ARL17B: variants seen among roughly 807,000 people sequenced by gnomAD.
ARL17B encodes ADP-ribosylation factor-like protein 17.
At chr17:46,276,782 CTTT>C (rs1179503164) in intron 4 of ARL17B, among the ~76,000 whole-genome samples, 1 of 145,700 alleles carries the variant, frequency 6.9e-6, no homozygotes, top group Non-Finnish European at 1.5e-5. Context: ...TAATTTTTTT[CTTT>C]TTTTCTTTTT....
intron 4 of ARL17B, among the ~76,000 whole-genome samples, chr17:46,286,607 T>C (rs1490044749): frequency 6.6e-6 from 1 of 151,916 alleles, no homozygotes; most frequent in African/African-American, 2.4e-5. Flanking sequence ...AAACATTCAC[T>C]ATGAAGCAAG....
intron 4 of ARL17B, among the ~76,000 whole-genome samples, chr17:46,288,642 G>T (rs191475421): frequency 6.6e-6 from 1 of 151,804 alleles, no homozygotes; most frequent in African/African-American, 2.4e-5. Flanking sequence ...CAGTGAGGAC[G>T]ACCAGAGGTC....
At chr17:46,307,783 T>TC (rs2050617629) in intron 3 of ARL17B, among the ~76,000 whole-genome samples, 1 of 78,742 alleles carries the variant, frequency 1.3e-5, no homozygotes, top group African/African-American at 3.2e-5. Flanking sequence ...TTTGCTGAGG[T>TC]GGGTGGATCA....
At chr17:46,279,638 T>C (rs1251057463) in intron 4 of ARL17B, among the ~76,000 whole-genome samples, 1 of 151,678 alleles carries the variant, frequency 6.6e-6, no homozygotes, top group Non-Finnish European at 1.5e-5. Flanking sequence ...GCTGGGATCA[T>C]GGGTGCACAT....
At chr17:46,314,481 CAG>C (rs2050962093) in intron 3 of ARL17B, among the ~76,000 whole-genome samples, 1 of 81,660 alleles carries the variant, frequency 1.2e-5, no homozygotes, top group Non-Finnish European at 3.6e-5. Flanking sequence ...GCCTGGGCAA[CAG>C]AGTGAGACTC....
At position 46,335,025 on chromosome 17, in the gene ARL17B, TGTC is replaced by T. The variant is rs1431176383; in HGVS notation, c.*4472_*4474del. 5.3e-5 allele frequency among the ~76,000 whole-genome samples: 2 copies of T among 37,410 alleles called. No individual in the cohort carries two copies. The highest frequency in any genetic ancestry group is 8.1e-4 in the Non-Finnish European group (2 of 2,466). 24.5% of individuals were successfully genotyped at this position (37,410 alleles called of 152,430 possible). On this transcript the variant is annotated 3_prime_UTR_variant, in exon 4 of 4. Transcript: ENST00000450673. ...CAACCTGGGCAGCATAGTGAGACCT[TGTC>T]TTTATTAAAAATTAAAAAAAAAATA...
Position 46,280,734 on chromosome 17 carries a change from C to T in ARL17B, c.*22-5316G>A, listed in dbSNP as rs568788527. 5.3e-5 allele frequency among the ~76,000 whole-genome samples: 8 copies of T among 152,198 alleles called. No individual in the cohort carries two copies. In the South Asian group the frequency reaches 6.2e-4, roughly 12 times the overall value. ...GACTACAGGCATGCGCCACTATGCC[C>T]GCCTAAGTATTGTATTTTTAGTAGG... On this transcript the variant is annotated intron_variant, in intron 4 of 4. Transcript: ENST00000570618.
chr17:46,281,392 C>T (rs1012738625), intron 4 of ARL17B, among the ~76,000 whole-genome samples: 28 of 151,864 alleles, frequency 1.8e-4, no homozygotes, highest in African/African-American at 6.8e-4. Context: ...TTCTTTTATT[C>T]TTGTCTTTTT....
At chr17:46,284,066 G>A (rs1159784699) in intron 4 of ARL17B, among the ~76,000 whole-genome samples, 1 of 152,170 alleles carries the variant, frequency 6.6e-6, no homozygotes, top group Non-Finnish European at 1.5e-5. Context: ...ACATTCCATT[G>A]CCCAGGGACG....
chr17:46,280,093 C>G (rs1197390218), intron 4 of ARL17B, among the ~76,000 whole-genome samples: 2 of 152,230 alleles, frequency 1.3e-5, no homozygotes. Flanking sequence ...AAATGTCTGG[C>G]CAGGCGCGGT....
chr17:46,285,938 C>T (rs1231266706), intron 4 of ARL17B, among the ~76,000 whole-genome samples: 1 of 152,260 alleles, frequency 6.6e-6, no homozygotes, highest in East Asian at 1.9e-4. Context: ...CCTCATCATC[C>T]TTCTCTGTTA....
intron 4 of ARL17B, among the ~76,000 whole-genome samples, chr17:46,277,755 T>C (rs2039337018): frequency 6.6e-6 from 1 of 152,098 alleles, no homozygotes; most frequent in South Asian, 2.1e-4. Flanking sequence ...CAAATGATTT[T>C]CCTGCCTCAG....
chr17:46,277,430 T>C (rs2732700), intron 4 of ARL17B, among the ~76,000 whole-genome samples: 7,133 of 151,548 alleles, frequency 0.047, 1,004 homozygotes, highest in East Asian at 0.47. Flanking sequence ...TACCTCACAG[T>C]TACCACCAAA....
intron 2 of ARL17B, among the ~76,000 whole-genome samples, chr17:46,357,128 G>A (rs1409082984): frequency 1.1e-5 from 1 of 87,134 alleles, no homozygotes; most frequent in African/African-American, 5.0e-5. Flanking sequence ...AGCCGAGATC[G>A]CGCCACTGTA....
chr17:46,321,348 T>C (rs1598152704), intron 3 of ARL17B, among the ~76,000 whole-genome samples: 1 of 73,290 alleles, frequency 1.4e-5, no homozygotes, highest in African/African-American at 8.4e-5. Context: ...AGAGTGAGAC[T>C]CCGTCTCAGA....
Position 46,340,110 on chromosome 17 carries a change from G to A in ARL17B, c.260-336C>T, listed in dbSNP as rs1294637199. ...GTTTTCACTGGAATGAAAGCTGAGC[G>A]GTCTGCAGGCCATATAGTATTGGAG... On this transcript the variant is annotated intron_variant, in intron 3 of 3. Coordinates refer to ENST00000450673, the MANE Select transcript of ARL17B (RefSeq NM_001039083.5). 2.0e-4 allele frequency among the ~76,000 whole-genome samples: 20 copies of A among 100,276 alleles called. 4 individuals carry two copies. The highest frequency in any genetic ancestry group is 4.0e-4 in the Admixed American group (4 of 10,088). 65.8% of individuals were successfully genotyped at this position (100,276 alleles called of 152,430 possible).
chr17:46,324,751 G>A lies in ARL17B; in HGVS notation c.260-25086C>T, dbSNP rs1364519666. Among the ~76,000 whole-genome samples, 11 of 74,144 alleles carry A rather than the reference G, an allele frequency of 1.5e-4. 4 individuals carry two copies. In the East Asian group the frequency reaches 2.8e-3, roughly 19 times the overall value. The allele number at this position is 74,144 out of a possible 152,430, so 48.6% of individuals were successfully genotyped here. A position where few individuals can be genotyped will look rare whatever the true frequency, so the allele number is the denominator to read the frequency against. Reference sequence around the variant, plus strand: ...GCTACTAGGGAACCTGAGTCAGGAGGATCACTTGAACCCAGGAAGTGGAGG... The same window carrying A: ...GCTACTAGGGAACCTGAGTCAGGAGAATCACTTGAACCCAGGAAGTGGAGG... On this transcript the variant is annotated intron_variant, in intron 3 of 4. Coordinates refer to the ARL17B transcript ENST00000434041.
chr17:46,289,068 T>A (rs2049997892), intron 4 of ARL17B, among the ~76,000 whole-genome samples: 1 of 152,222 alleles, frequency 6.6e-6, no homozygotes, highest in South Asian at 2.1e-4. Flanking sequence ...TATCCTGTAG[T>A]ACAACTTACT....
At chr17:46,292,688 G>C (rs1164521275) in intron 4 of ARL17B, 1 of 79,104 alleles carries the variant, frequency 1.3e-5, no homozygotes, top group African/African-American at 3.2e-5. Context: ...CCAGAGATGT[G>C]GGGAGAAGGT....
Sources: gnomAD v4.1 joint callset for allele counts (sites outside exome capture counted in the v4.1 genomes callset) on GRCh38, gnomAD v4.1.1 for gene constraint, MANE v1.5 for transcripts, NCBI Gene and HGNC (gene_info 2026-07-23, HGNC 2026-07-21) for gene names.